Variants in EBF1 observed in about 807,000 individuals in gnomAD.
EBF1 encodes transcription factor COE1.
A neutral mutation model predicts 68.4 loss-of-function variants in EBF1; 10 were observed. The ratio of observed to expected loss-of-function variants is 0.15; its 90% CI spans 0.09 to 0.25. The LOEUF (loss-of-function observed/expected upper bound fraction) is 0.25. Among genes scored for constraint, EBF1 ranks in the 10% least tolerant of loss-of-function variants. The probability of loss-of-function intolerance (pLI) is 1.00; values close to 1 mark genes in which losing one functional copy is unlikely to be tolerated. For missense variants in EBF1, 509 were observed against 794.4 expected, an observed-to-expected ratio of 0.64 and a Z score of 4.32; for synonymous variants, 298 against 299.8, an observed-to-expected ratio of 0.99 and a Z score of 0.06.
At chr5:158,868,379 A>G (rs1678517049) in intron 6 of EBF1, among the ~76,000 whole-genome samples, 1 of 152,196 alleles carries the variant, frequency 6.6e-6, no homozygotes, top group Non-Finnish European at 1.5e-5. Flanking sequence ...GAGAGCTCCA[A>G]ACATGTTTTT....
intron 6 of EBF1, among the ~76,000 whole-genome samples, chr5:158,997,749 C>T (rs1761706559): frequency 6.6e-6 from 1 of 152,104 alleles, no homozygotes; most frequent in South Asian, 2.1e-4. Context: ...CCCTGTGGCC[C>T]AAAGGAAGAA....
At chr5:158,775,775 TG>T (rs1294846312) in intron 10 of EBF1, among the ~76,000 whole-genome samples, 2 of 48,706 alleles carry the variant, frequency 4.1e-5, no homozygotes, top group Non-Finnish European at 7.7e-5. Context: ...CACACACACA[TG>T]CACACAGACA....
chr5:158,765,576 G>A (rs943994568), intron 10 of EBF1, among the ~76,000 whole-genome samples: 1 of 152,116 alleles, frequency 6.6e-6, no homozygotes, highest in African/African-American at 2.4e-5. Flanking sequence ...GTGATGTAAA[G>A]AAGTTAACCA....
chr5:158,726,130 A>T (rs1762936431), intron 11 of EBF1, among the ~76,000 whole-genome samples: 1 of 152,222 alleles, frequency 6.6e-6, no homozygotes, highest in African/African-American at 2.4e-5. Context: ...GCTTTAAAGT[A>T]AAAATGTAAT....
chr5:158,948,721 C>A (rs929176785), intron 6 of EBF1, among the ~76,000 whole-genome samples: 7 of 152,204 alleles, frequency 4.6e-5, no homozygotes, highest in Admixed American at 1.3e-4. Context: ...TCCAGCCCTG[C>A]TCAGCGACCC....
intron 6 of EBF1, among the ~76,000 whole-genome samples, chr5:158,965,303 A>C (rs1753884553): frequency 6.6e-6 from 1 of 152,194 alleles, no homozygotes; most frequent in South Asian, 2.1e-4. Flanking sequence ...TGCTTTGAGC[A>C]GTCCCCTTAC....
chr5:158,945,277 G>A (rs542237828), intron 6 of EBF1, among the ~76,000 whole-genome samples: 5 of 152,164 alleles, frequency 3.3e-5, no homozygotes, highest in Non-Finnish European at 7.3e-5. Flanking sequence ...TCCAGTTTCA[G>A]TTTTCTGCAT....
At chr5:158,872,771 A>G (rs1797104739) in intron 6 of EBF1, among the ~76,000 whole-genome samples, 1 of 152,030 alleles carries the variant, frequency 6.6e-6, no homozygotes, top group Non-Finnish European at 1.5e-5. Context: ...CTGTGTGTAC[A>G]TTTTTGGAGG....
Position 158,953,470 on chromosome 5 carries a change from C to CA in EBF1, c.555-113361dup, listed in dbSNP as rs531149038. Among the ~76,000 whole-genome samples, 214 of 152,290 alleles carry CA rather than the reference C, an allele frequency of 1.4e-3. 1 individual carries two copies. The highest frequency in any genetic ancestry group is 0.01 in the Middle Eastern group (3 of 292). On this transcript the variant is annotated intron_variant, in intron 6 of 15. Coordinates refer to ENST00000313708, the MANE Select transcript of EBF1 (RefSeq NM_024007.5). Reference sequence around the variant, plus strand: ...GTCCGGAGAGTTTGGGCCTCTTTCACAAAATCCAATGACTTGAGTCACAAG... The same window carrying CA: ...GTCCGGAGAGTTTGGGCCTCTTTCACAAAAATCCAATGACTTGAGTCACAAG...
intron 7 of EBF1, among the ~76,000 whole-genome samples, chr5:158,827,689 AG>A (rs1432806636): frequency 6.6e-6 from 1 of 152,158 alleles, no homozygotes; most frequent in African/African-American, 2.4e-5. Context: ...CTGTCTCATG[AG>A]CAGATTTTCA....
At chr5:158,993,245 A>G (rs1428071997) in intron 6 of EBF1, among the ~76,000 whole-genome samples, 1 of 152,038 alleles carries the variant, frequency 6.6e-6, no homozygotes, top group Non-Finnish European at 1.5e-5. Flanking sequence ...ATGGGGTTTC[A>G]CTGTGTTGCC....
At chr5:158,888,588 A>G (rs950616663) in intron 6 of EBF1, among the ~76,000 whole-genome samples, 7 of 152,260 alleles carry the variant, frequency 4.6e-5, no homozygotes, top group African/African-American at 7.2e-5. Flanking sequence ...AAATACCTCC[A>G]CCAGATCCCA....
At chr5:159,020,061 T>C (rs1766362490) in intron 6 of EBF1, among the ~76,000 whole-genome samples, 1 of 152,140 alleles carries the variant, frequency 6.6e-6, no homozygotes, top group Non-Finnish European at 1.5e-5. Context: ...GGCCCATCTC[T>C]AACGTTCTCT....
intron 6 of EBF1, among the ~76,000 whole-genome samples, chr5:158,925,630 G>T (rs1809538999): frequency 6.6e-6 from 1 of 152,220 alleles, no homozygotes; most frequent in African/African-American, 2.4e-5. Context: ...CTTGGGAATT[G>T]TAGCCATGCA....
At chr5:158,866,833 G>GTATATATATATATATATA (rs70987938) in intron 6 of EBF1, among the ~76,000 whole-genome samples, 1 of 92,862 alleles carries the variant, frequency 1.1e-5, no homozygotes, top group Non-Finnish European at 2.1e-5. Context: ...ATATGTATAT[G>GTATATATATATATATATA]TATATATATA....
intron 6 of EBF1, among the ~76,000 whole-genome samples, chr5:158,874,164 T>C (rs1002639213): frequency 1.3e-5 from 2 of 152,212 alleles, no homozygotes; most frequent in African/African-American, 4.8e-5. Context: ...TTTCTGTTTT[T>C]CCTCTTTAAA....
At chr5:158,884,800 C>G (rs1799694656) in intron 6 of EBF1, among the ~76,000 whole-genome samples, 1 of 152,146 alleles carries the variant, frequency 6.6e-6, no homozygotes, top group Non-Finnish European at 1.5e-5. Context: ...ATTTATGTCT[C>G]TTCATCCATT....
intron 6 of EBF1, among the ~76,000 whole-genome samples, chr5:158,952,174 G>A (rs1454630971): frequency 1.3e-5 from 2 of 152,232 alleles, no homozygotes; most frequent in East Asian, 1.9e-4. Flanking sequence ...ATTTCAAAGA[G>A]CTCCTTACAG....
At chr5:158,754,235 G>A (rs1180198472) in intron 10 of EBF1, among the ~76,000 whole-genome samples, 5 of 152,048 alleles carry the variant, frequency 3.3e-5, no homozygotes, top group Non-Finnish European at 7.4e-5. Context: ...AACAAGAGAT[G>A]ATTTACTCTC....
Sources: gnomAD v4.1 joint callset for allele counts (sites outside exome capture counted in the v4.1 genomes callset) on GRCh38, gnomAD v4.1.1 for gene constraint, MANE v1.5 for transcripts, NCBI Gene and HGNC (gene_info 2026-07-23, HGNC 2026-07-21) for gene names.